RNF180: variants seen among roughly 807,000 people sequenced by gnomAD.
RNF180 encodes the protein ring finger protein 180.
RNF180 carries 38 observed loss-of-function variants against 59.2 expected under a neutral mutation model. That is an observed-to-expected ratio of 0.64 (90% CI 0.50 to 0.84). The LOEUF (loss-of-function observed/expected upper bound fraction) is 0.84. Among genes scored for constraint, RNF180 ranks in the 40% least tolerant of loss-of-function variants. The pLI, the probability that RNF180 is intolerant of heterozygous loss-of-function variation, is 0.00. For synonymous variants in RNF180, 262 were observed against 240.3 expected, an observed-to-expected ratio of 1.09 and a Z score of -0.84; for missense variants, 705 against 700.9, an observed-to-expected ratio of 1.01 and a Z score of -0.07.
intron 7 of RNF180, among the ~76,000 whole-genome samples, chr5:64,365,917 CT>C (rs1410909951): frequency 6.6e-6 from 1 of 151,406 alleles, no homozygotes; most frequent in Non-Finnish European, 1.5e-5. Context: ...GATCTTGGTT[CT>C]TTATACAGCT....
At chr5:64,357,904 C>A (rs951701948) in intron 7 of RNF180, among the ~76,000 whole-genome samples, 1 of 151,762 alleles carries the variant, frequency 6.6e-6, no homozygotes, top group Admixed American at 6.6e-5. Context: ...ACAAGAGTAA[C>A]TTTGTAATTT....
In RNF180 at chr5:64,368,655, G is replaced by A. The variant is rs575849138; in HGVS notation, c.1580-960G>A. Among the ~76,000 whole-genome samples the A allele has an allele frequency of 7.7e-3, 1,164 of 152,144 alleles. 7 individuals are homozygous for A. Among genetic ancestry groups the A allele is most frequent in the South Asian group, 0.012 (57 of 4,828 alleles). ...CCCATCAAAAATGGGCAAAGGATAT[G>A]AACAGACAATTCTCAAAAGAAGACA... On this transcript the variant is annotated intron_variant, in intron 7 of 7. Transcript: ENST00000389100.
At chr5:64,362,872 A>ATATG (rs1481061559) in intron 7 of RNF180, among the ~76,000 whole-genome samples, 1 of 151,442 alleles carries the variant, frequency 6.6e-6, no homozygotes, top group African/African-American at 2.4e-5. Flanking sequence ...TTTCTTGGCC[A>ATATG]TATGTATGTC....
At chr5:64,207,457 A>G (rs1428652853) in intron 2 of RNF180, among the ~76,000 whole-genome samples, 2 of 152,140 alleles carry the variant, frequency 1.3e-5, no homozygotes, top group Non-Finnish European at 2.9e-5. Flanking sequence ...ATTGGAGTTC[A>G]GAGATGAAGA....
intron 5 of RNF180, among the ~76,000 whole-genome samples, chr5:64,304,988 G>A (rs1037690285): frequency 6.6e-5 from 10 of 151,516 alleles, no homozygotes; most frequent in Non-Finnish European, 1.0e-4. Flanking sequence ...CCTCCAAAAA[G>A]GATTATGACT....
chr5:64,241,879 A>G (rs953308248), intron 5 of RNF180, among the ~76,000 whole-genome samples: 11 of 152,166 alleles, frequency 7.2e-5, no homozygotes, highest in African/African-American at 1.9e-4. Context: ...AGACTTTGCC[A>G]TGGATGCTAA....
intron 6 of RNF180, among the ~76,000 whole-genome samples, chr5:64,326,357 A>G (rs1158787106): frequency 7.9e-5 from 12 of 152,176 alleles, no homozygotes; most frequent in Admixed American, 2.0e-4. Context: ...AATCTTATTT[A>G]ATAGAAACTC....
chr5:64,203,455 G>C (rs1751855289), intron 2 of RNF180, among the ~76,000 whole-genome samples: 1 of 151,934 alleles, frequency 6.6e-6, no homozygotes, highest in Non-Finnish European at 1.5e-5. Context: ...ACCCCATAAA[G>C]TTTCCTCAGG....
chr5:64,296,931 T>A (rs1372954079), intron 5 of RNF180, among the ~76,000 whole-genome samples: 1 of 152,110 alleles, frequency 6.6e-6, no homozygotes, highest in Non-Finnish European at 1.5e-5. Context: ...ATTCATCTGG[T>A]TTTTTGGTAG....
chr5:64,361,418 A>G (rs1252857331), intron 7 of RNF180, among the ~76,000 whole-genome samples: 1 of 151,608 alleles, frequency 6.6e-6, no homozygotes, highest in Admixed American at 6.6e-5. Flanking sequence ...GGAGAAAACC[A>G]TATGAACATC....
chr5:64,280,216 C>A (rs1365030851), intron 5 of RNF180, among the ~76,000 whole-genome samples: 2 of 151,686 alleles, frequency 1.3e-5, no homozygotes, highest in Non-Finnish European at 2.9e-5. Context: ...GGATATTAGA[C>A]CTTTGTTGGA....
At chr5:64,218,444 T>G (rs2112140953) in intron 5 of RNF180, among the ~76,000 whole-genome samples, 1 of 152,344 alleles carries the variant, frequency 6.6e-6, no homozygotes, top group Admixed American at 6.5e-5. Flanking sequence ...TGTGTGGGTA[T>G]ATTTCTGGAC....
intron 5 of RNF180, among the ~76,000 whole-genome samples, chr5:64,262,942 G>A (rs1744430560): frequency 6.6e-6 from 1 of 152,064 alleles, no homozygotes; most frequent in African/African-American, 2.4e-5. Context: ...GAAGATGCTG[G>A]TTCAAATATC....
rs1746002794 is a variant in RNF180 at position 64,355,940 on chromosome 5, ATATT to A, written c.1580-13671_1580-13668del. 2.6e-5 allele frequency among the ~76,000 whole-genome samples: 4 copies of A among 152,046 alleles called. No individual in the cohort carries two copies. In the South Asian group the frequency reaches 8.3e-4, roughly 31 times the overall value. ...AATCTTGTAAAATAAAGAGGGGTAA[ATATT>A]TATGAACAGTGGAGTCTTAGATATG... On this transcript the variant is annotated intron_variant, in intron 7 of 7. Coordinates refer to ENST00000389100, the MANE Select transcript of RNF180 (RefSeq NM_001113561.2).
At chr5:64,254,586 A>G (rs1743812211) in intron 5 of RNF180, among the ~76,000 whole-genome samples, 1 of 152,178 alleles carries the variant, frequency 6.6e-6, no homozygotes, top group Non-Finnish European at 1.5e-5. Flanking sequence ...TTTGTAATGA[A>G]GCAATCATAA....
At chr5:64,205,489 G>A (rs903600757) in intron 2 of RNF180, among the ~76,000 whole-genome samples, 1 of 152,172 alleles carries the variant, frequency 6.6e-6, no homozygotes, top group Non-Finnish European at 1.5e-5. Flanking sequence ...CTCCATTTGT[G>A]CAATCTGTGT....
chr5:64,205,962 C>T (rs775309255), intron 2 of RNF180, among the ~76,000 whole-genome samples: 1 of 151,774 alleles, frequency 6.6e-6, no homozygotes, highest in African/African-American at 2.4e-5. Flanking sequence ...AGTCAAGGGA[C>T]GAACATTCTC....
chr5:64,234,281 A>G (rs1460155165), intron 5 of RNF180, among the ~76,000 whole-genome samples: 1 of 152,056 alleles, frequency 6.6e-6, no homozygotes, highest in Non-Finnish European at 1.5e-5. Context: ...CCTGGCCAAC[A>G]TGGCGAAACC....
At chr5:64,169,242 A>G (rs1749811546) in intron 1 of RNF180, among the ~76,000 whole-genome samples, 1 of 152,200 alleles carries the variant, frequency 6.6e-6, no homozygotes, top group African/African-American at 2.4e-5. Flanking sequence ...GTCCTGTTGT[A>G]AATATTATTT....
Sources: allele counts gnomAD v4.1 joint callset (sites outside exome capture counted in the v4.1 genomes callset), GRCh38; gene constraint gnomAD v4.1.1; transcripts MANE v1.5; gene names NCBI Gene and HGNC (gene_info 2026-07-23, HGNC 2026-07-21).